ME1: variants seen among roughly 807,000 people sequenced by gnomAD.
The protein encoded by ME1 is malic enzyme 1.
A neutral mutation model predicts 66.4 loss-of-function variants in ME1; 74 were observed. The observed-to-expected ratio is 1.11, with a 90% confidence interval of 0.92 to 1.35. ME1 has a LOEUF of 1.35. Among genes scored for constraint, ME1 ranks in the 40% most tolerant of loss-of-function variants. The probability of loss-of-function intolerance (pLI) is 0.00; values close to 1 mark genes in which losing one functional copy is unlikely to be tolerated. For missense variants in ME1, 750 were observed against 694.1 expected, an observed-to-expected ratio of 1.08 and a Z score of -0.90; for synonymous variants, 251 against 235.6, an observed-to-expected ratio of 1.07 and a Z score of -0.60.
intron 6 of ME1, among the ~76,000 whole-genome samples, chr6:83,312,826 C>T (rs946821042): frequency 6.6e-6 from 1 of 152,054 alleles, no homozygotes; most frequent in African/African-American, 2.4e-5. Flanking sequence ...GTGATCTTGG[C>T]TAACTGCAAC....
chr6:83,323,111 A>AT (rs1768212296), intron 5 of ME1, among the ~76,000 whole-genome samples: 2 of 152,184 alleles, frequency 1.3e-5, no homozygotes. Context: ...ATGCTGAGGG[A>AT]TTTTGTCACC....
intron 6 of ME1, among the ~76,000 whole-genome samples, chr6:83,270,333 CA>C (rs1311943314): frequency 2.0e-5 from 3 of 152,086 alleles, no homozygotes; most frequent in Non-Finnish European, 2.9e-5. Flanking sequence ...CACAACAAAT[CA>C]GGTCCCAGAT....
chr6:83,323,902 C>G (rs1368975306), intron 5 of ME1, among the ~76,000 whole-genome samples: 1 of 152,080 alleles, frequency 6.6e-6, no homozygotes. Context: ...TAGCACCACA[C>G]AGCACTTATT....
At chr6:83,309,491 AT>A (rs1394756921) in intron 6 of ME1, among the ~76,000 whole-genome samples, 1 of 152,098 alleles carries the variant, frequency 6.6e-6, no homozygotes, top group Non-Finnish European at 1.5e-5. Context: ...TGGGGTTGTC[AT>A]TTACTGAGAT....
At chr6:83,274,405 G>C (rs566599497) in intron 6 of ME1, among the ~76,000 whole-genome samples, 1 of 152,208 alleles carries the variant, frequency 6.6e-6, no homozygotes, top group South Asian at 2.1e-4. Context: ...TGATCTTTTG[G>C]TAGTAATTTC....
intron 13 of ME1, 65 bp from the exon 14 acceptor site, chr6:83,212,159 G>A (rs1319716823): frequency 8.4e-7 from 1 of 1,191,898 alleles, no homozygotes; most frequent in Non-Finnish European, 1.1e-6. Context: ...CCATGTGAGT[G>A]GAAGTTTTTA....
intron 3 of ME1, 62 bp downstream of exon 3, chr6:83,398,305 G>T (rs992137546): frequency 3.0e-5 from 35 of 1,163,904 alleles, no homozygotes; most frequent in Non-Finnish European, 3.8e-5. Context: ...TTTTAAATTC[G>T]TTAAAAAACT....
chr6:83,287,503 G>T (rs551438078), intron 6 of ME1, among the ~76,000 whole-genome samples: 1 of 151,962 alleles, frequency 6.6e-6, no homozygotes, highest in Non-Finnish European at 1.5e-5. Flanking sequence ...TTATGGCTGC[G>T]TAGTATTCCA....
At chr6:83,321,799 T>G (rs925528813) in intron 5 of ME1, among the ~76,000 whole-genome samples, 1 of 152,242 alleles carries the variant, frequency 6.6e-6, no homozygotes, top group South Asian at 2.1e-4. Context: ...ATTTGAGCTC[T>G]GCTAAGAAAC....
At chr6:83,299,455 C>G (rs1014097831) in intron 6 of ME1, among the ~76,000 whole-genome samples, 1 of 152,060 alleles carries the variant, frequency 6.6e-6, no homozygotes, top group Non-Finnish European at 1.5e-5. Flanking sequence ...GATTTTGTAT[C>G]CTAAGACTTT....
intron 12 of ME1, among the ~76,000 whole-genome samples, 153 bp downstream of exon 12, chr6:83,223,607 C>T (rs559108466): frequency 7.9e-5 from 12 of 152,310 alleles, no homozygotes; most frequent in Admixed American, 1.3e-4. Flanking sequence ...TATGAACATG[C>T]TACCCACCCC....
At chr6:83,250,917 T>C (rs1313485877) in intron 7 of ME1, among the ~76,000 whole-genome samples, 1 of 152,242 alleles carries the variant, frequency 6.6e-6, no homozygotes, top group Admixed American at 6.5e-5. Context: ...ATTCTGCTAT[T>C]ATGGCATGAA....
chr6:83,215,479 G>A lies in ME1; in HGVS notation c.1548+1019C>T, dbSNP rs533805929. 9.2e-5 allele frequency among the ~76,000 whole-genome samples: 14 copies of A among 152,296 alleles called. No individual in the cohort carries two copies. In the East Asian group the frequency reaches 1.7e-3, roughly 19 times the overall value. On this transcript the variant is annotated intron_variant, in intron 13 of 13. Coordinates refer to ENST00000369705, the MANE Select transcript of ME1 (RefSeq NM_002395.6). ...ATAACTACTGTCATGGCTAAACTGT[G>A]TTCCTCCCACCCCAAATTCAGTGTT...
intron 6 of ME1, among the ~76,000 whole-genome samples, chr6:83,298,870 G>T (rs1302756186): frequency 6.9e-6 from 1 of 144,502 alleles, no homozygotes; most frequent in Non-Finnish European, 1.5e-5. Flanking sequence ...AAGATCAGAC[G>T]GTTGGAGATG....
intron 11 of ME1, 56 bp from the exon 12 acceptor site, chr6:83,223,989 A>C (rs1016778096): frequency 6.6e-7 from 1 of 1,503,936 alleles, no homozygotes; most frequent in African/African-American, 1.4e-5. Context: ...TTTTAAAACA[A>C]ATGTATCATA....
intron 7 of ME1, among the ~76,000 whole-genome samples, chr6:83,240,131 C>T (rs1164780617): frequency 6.6e-6 from 1 of 151,946 alleles, no homozygotes; most frequent in Non-Finnish European, 1.5e-5. Context: ...CACAAAGAAA[C>T]TCTTCTTCAC....
Position 83,216,502 on chromosome 6 carries a change from T to A in ME1, c.1544A>T (p.Glu515Val), listed in dbSNP as rs1327290127. The A allele has an allele frequency of 1.9e-6, 3 of 1,599,688 alleles. No individual in the cohort carries two copies. The highest frequency in any genetic ancestry group is 1.7e-6 in the Non-Finnish European group (2 of 1,173,834). The change falls in exon 13 of 14, where the codon GAA (glutamate) becomes GTA (valine). Residue 515 changes from glutamate to valine, a missense_variant. Glu to Val is a moderately radical substitution (Grantham distance 121). Coordinates refer to ENST00000369705, the MANE Select transcript of ME1 (RefSeq NM_002395.6). ...CTTGAACAAGAGTGGTTTTACCTTT[T>A]CTGCAATTTTCAGAGAAACATCTCT... The part of the protein sequence containing the change: ...TIRDVSLKIA[E>V]KIVKDAYQEK...
At chr6:83,423,625 T>A (rs1023391277) in intron 1 of ME1, among the ~76,000 whole-genome samples, 1 of 151,394 alleles carries the variant, frequency 6.6e-6, no homozygotes, top group Non-Finnish European at 1.5e-5. Flanking sequence ...ATGATGAAAT[T>A]GTGTTTCTAC....
intron 3 of ME1, among the ~76,000 whole-genome samples, chr6:83,357,974 T>TATATATA (rs1768931234): frequency 4.3e-4 from 53 of 123,494 alleles, no homozygotes; most frequent in Admixed American, 5.4e-4. Flanking sequence ...TATATATATA[T>TATATATA]TTCATTAGTT....
Sources: allele counts gnomAD v4.1 joint callset (sites outside exome capture counted in the v4.1 genomes callset), GRCh38; gene constraint gnomAD v4.1.1; transcripts MANE v1.5; gene names NCBI Gene and HGNC (gene_info 2026-07-23, HGNC 2026-07-21).